C12orf56: variants seen among roughly 807,000 people sequenced by gnomAD.
C12orf56 encodes the protein chromosome 12 open reading frame 56, also known as uncharacterized protein C12orf56.
In C12orf56, 71 loss-of-function variants were observed where a neutral mutation model predicts 69.9. That is an observed-to-expected ratio of 1.02 (90% CI 0.84 to 1.24). C12orf56 has a LOEUF of 1.24. Ranked by LOEUF, C12orf56 falls within the 50% of genes most tolerant of loss-of-function variation. The pLI is 0.00. For synonymous variants in C12orf56, 276 were observed against 274.1 expected (o/e 1.01, Z -0.07); for missense variants, 732 against 738.5 (o/e 0.99, Z 0.10).
rs1565770232 is a variant in C12orf56, at chr12:64,352,122, T to TTTGTTTTG, written c.415+771_415+772insCAAAACAA. On this transcript the variant is annotated intron_variant, in intron 2 of 12. Transcript: ENST00000543942. ...TTGTTTTTTTTTTTTTTTTGTTTTTTTTTTTACCAGTCAGGCTTTTGGCTC... is the reference window on the plus strand; with the variant it reads ...TTGTTTTTTTTTTTTTTTTGTTTTTTTTGTTTTGTTTTTACCAGTCAGGCTTTTGGCTC... 2.6e-5 allele frequency among the ~76,000 whole-genome samples: 4 copies of TTTGTTTTG among 151,428 alleles called. No individual in the cohort carries two copies. The East Asian group carries it at 5.9e-4, about 22-fold the overall frequency.
chr12:64,323,474 A>G (rs541118723), intron 3 of C12orf56, among the ~76,000 whole-genome samples: 1 of 151,908 alleles, frequency 6.6e-6, no homozygotes, highest in Non-Finnish European at 1.5e-5. Flanking sequence ...AATTCCAATA[A>G]ATTCCCTTTT....
chr12:64,341,544 A>G (rs2039074422), intron 2 of C12orf56, among the ~76,000 whole-genome samples: 2 of 152,192 alleles, frequency 1.3e-5, no homozygotes, highest in African/African-American at 2.4e-5. Flanking sequence ...ATGAGCCCAC[A>G]TCACACTTCT....
At chr12:64,362,885 G>T (rs2039416802) in intron 1 of C12orf56, among the ~76,000 whole-genome samples, 1 of 152,156 alleles carries the variant, frequency 6.6e-6, no homozygotes, top group Non-Finnish European at 1.5e-5. Flanking sequence ...ACTTCCTGAG[G>T]TTGCCATGGC....
At chr12:64,355,267 T>C (rs779737644) in intron 1 of C12orf56, among the ~76,000 whole-genome samples, 3 of 152,124 alleles carry the variant, frequency 2.0e-5, no homozygotes, top group Non-Finnish European at 4.4e-5. Flanking sequence ...TAATTGAAGA[T>C]AGGAAGATGA....
At position 64,285,977 on chromosome 12, in the gene C12orf56, T is replaced by G; in HGVS notation, c.1197A>C (p.Gln399His). 1.2e-6 allele frequency: 2 copies of G among 1,606,562 alleles called. No individual in the cohort carries two copies. Among genetic ancestry groups the G allele is most frequent in the Non-Finnish European group, 1.7e-6 (2 of 1,175,116 alleles). The stretch of plus-strand genomic sequence containing the variant: ...ACACCAGCTCATCAACCCTTTGGCT[T>G]TGATTTTGTAGTGCATTCTTATCCC... ...ESRDKNALQN[Q>H]SQRVDELVAC... Residue 399 changes from glutamine to histidine, a missense_variant, in exon 7 of 13, where the codon CAA (glutamine) becomes CAC (histidine). Physicochemically the swap from Gln to His is conservative, Grantham distance 24 (BLOSUM62 0). Transcript: ENST00000543942.
intron 1 of C12orf56, among the ~76,000 whole-genome samples, chr12:64,380,104 C>CAAAAAAAAA (rs60079906): frequency 3.5e-3 from 177 of 49,962 alleles, no homozygotes; most frequent in Non-Finnish European, 3.8e-3. Context: ...GACTCCGTCG[C>CAAAAAAAAA]AAAAAAAAAA....
rs59688148 is a variant in C12orf56, at chr12:64,328,679, C to CAA, written c.488+2279_488+2280dup. 3.2e-3 allele frequency among the ~76,000 whole-genome samples: 183 copies of CAA among 57,906 alleles called. 23 individuals are homozygous for CAA. The highest frequency in any genetic ancestry group is 4.8e-3 in the Non-Finnish European group (154 of 31,798). 38.0% of individuals were successfully genotyped at this position (57,906 alleles called of 152,430 possible). A position where few individuals can be genotyped will look rare whatever the true frequency, so the allele number is the denominator to read the frequency against. ...TGGGCGACAGTGCAAGACTCCATCT[C>CAA]AAAAAAAAAAAAAAAAAAAAAAAAA... is the stretch of plus-strand genomic sequence containing the variant. On this transcript the variant is annotated intron_variant, in intron 3 of 12. Transcript: ENST00000543942.
intron 2 of C12orf56, among the ~76,000 whole-genome samples, chr12:64,347,352 C>G (rs2039158772): frequency 6.8e-6 from 1 of 145,990 alleles, no homozygotes; most frequent in Non-Finnish European, 1.5e-5. Context: ...GTGGCATGAT[C>G]TCGGCTCACT....
At chr12:64,316,537 C>T (rs1348575408) in intron 4 of C12orf56, among the ~76,000 whole-genome samples, 3 of 152,094 alleles carry the variant, frequency 2.0e-5, no homozygotes, top group African/African-American at 7.2e-5. Flanking sequence ...GGTGCTACTA[C>T]ACCACACCTG....
Position 64,266,507 on chromosome 12 carries a change from C to A in C12orf56, c.*676G>T. 7.4e-6 allele frequency: 2 copies of A among 268,842 alleles called. No individual in the cohort carries two copies. Among genetic ancestry groups the A allele is most frequent in the South Asian group, 7.8e-5 (1 of 12,870 alleles). The allele number at this position is 268,842 out of a possible 1,614,324, so 16.7% of individuals were successfully genotyped here. On this transcript the variant is annotated 3_prime_UTR_variant, in exon 13 of 13. Transcript: ENST00000543942. ...GCGGATGAGATCTTGAGTGAGTGAC[C>A]TTAGGCCCAGACCAAGCTGTAATTC...
At chr12:64,281,906 T>C (rs1204911697) in intron 8 of C12orf56, among the ~76,000 whole-genome samples, 1 of 152,166 alleles carries the variant, frequency 6.6e-6, no homozygotes, top group Non-Finnish European at 1.5e-5. Context: ...GATGATTTTT[T>C]TCAACTTGGA....
chr12:64,342,654 G>T (rs1431911522), intron 2 of C12orf56, among the ~76,000 whole-genome samples: 1 of 152,136 alleles, frequency 6.6e-6, no homozygotes, highest in Non-Finnish European at 1.5e-5. Context: ...CCACTTTATG[G>T]CTAGATGTGT....
At chr12:64,332,927 A>G (rs891853143) in intron 2 of C12orf56, among the ~76,000 whole-genome samples, 1 of 152,198 alleles carries the variant, frequency 6.6e-6, no homozygotes, top group Admixed American at 6.5e-5. Context: ...ATCTTCCAAC[A>G]AATTCCCCTT....
chr12:64,384,980 G>A (rs1437792185), intron 1 of C12orf56, among the ~76,000 whole-genome samples: 1 of 151,754 alleles, frequency 6.6e-6, no homozygotes, highest in Admixed American at 6.6e-5. Flanking sequence ...CTTGAACTCA[G>A]GAGGTGGAAG....
intron 6 of C12orf56, 81 bp downstream of exon 6, chr12:64,303,552 CTT>C (rs915093815): frequency 1.7e-6 from 2 of 1,152,346 alleles, no homozygotes; most frequent in African/African-American, 1.6e-5. Flanking sequence ...CAAGACAACT[CTT>C]ATTTATATTT....
chr12:64,377,860 T>A (rs113357114), intron 1 of C12orf56, among the ~76,000 whole-genome samples: 15 of 151,926 alleles, frequency 9.9e-5, no homozygotes, highest in South Asian at 2.1e-4. Flanking sequence ...CCAAAAAAAA[T>A]TTTTTTTTAT....
At chr12:64,305,994 C>T (rs2038507262) in intron 5 of C12orf56, among the ~76,000 whole-genome samples, 2 of 152,124 alleles carry the variant, frequency 1.3e-5, no homozygotes, top group African/African-American at 4.8e-5. Context: ...TTGCTAAGAT[C>T]CGCAACAAAA....
At chr12:64,351,975 C>CCGGG (rs2039228845) in intron 2 of C12orf56, among the ~76,000 whole-genome samples, 2 of 152,102 alleles carry the variant, frequency 1.3e-5, no homozygotes, top group Non-Finnish European at 2.9e-5. Flanking sequence ...ATACATCCTT[C>CCGGG]AAACTGGGAA....
chr12:64,384,746 T>A (rs578133691), intron 1 of C12orf56, among the ~76,000 whole-genome samples: 48 of 152,262 alleles, frequency 3.2e-4, no homozygotes, highest in African/African-American at 1.1e-3. Context: ...CTCTGCGTAT[T>A]TGTTCTCACA....
Sources: allele counts gnomAD v4.1 joint callset (sites outside exome capture counted in the v4.1 genomes callset), GRCh38; gene constraint gnomAD v4.1.1; transcripts MANE v1.5; gene names NCBI Gene and HGNC (gene_info 2026-07-23, HGNC 2026-07-21).